The following C10orf53 variants were observed in gnomAD, a reference collection of about 807,000 sequenced individuals.
C10orf53 encodes the protein UPF0728 protein C10orf53.
A neutral mutation model predicts 9.4 loss-of-function variants in C10orf53; 8 were observed. The observed-to-expected ratio is 0.85, with a 90% confidence interval of 0.50 to 1.53. The LOEUF is 1.53. Ranked by LOEUF, C10orf53 falls within the 40% of genes most tolerant of loss-of-function variation. C10orf53 has a pLI of 0.00. For missense variants in C10orf53, 117 were observed against 117.8 expected, an observed-to-expected ratio of 0.99 and a Z score of 0.03; for synonymous variants, 48 against 46.0, an observed-to-expected ratio of 1.04 and a Z score of -0.18.
intron 2 of C10orf53, chr10:49,708,334 T>G (rs749204515): frequency 6.2e-7 from 1 of 1,609,358 alleles, no homozygotes; most frequent in Admixed American, 1.7e-5. Flanking sequence ...TTGATGCTGC[T>G]TTCTTCTCTG....
At chr10:49,705,078 G>A (rs1840713631) in intron 2 of C10orf53, among the ~76,000 whole-genome samples, 1 of 152,200 alleles carries the variant, frequency 6.6e-6, no homozygotes, top group African/African-American at 2.4e-5. Context: ...GGAGTCCTAT[G>A]TGTCCAGTCA....
exon 3 of C10orf53, chr10:49,708,522 A>G (rs374595679): frequency 5.4e-5 from 87 of 1,614,074 alleles, no homozygotes; most frequent in Non-Finnish European, 7.1e-5. Context: ...TGGATCATGT[A>G]TCCATTTCCA....
downstream of C10orf53, among the ~76,000 whole-genome samples, chr10:49,697,966 A>G (rs1840650340): frequency 6.6e-6 from 1 of 152,168 alleles, no homozygotes; most frequent in Non-Finnish European, 1.5e-5. Context: ...CTTATTGGCT[A>G]TATCTGCTCC....
At chr10:49,694,373 A>G in intron 2 of C10orf53, 165 bp from the exon 3 acceptor site, 1 of 979,062 alleles carries the variant, frequency 1.0e-6, no homozygotes, top group Non-Finnish European at 1.5e-6. Flanking sequence ...CTGTGCTCAG[A>G]AGTTAAAGCT....
chr10:49,698,478 T>C (rs985531172), downstream of C10orf53, among the ~76,000 whole-genome samples: 5 of 152,154 alleles, frequency 3.3e-5, no homozygotes, highest in African/African-American at 9.7e-5. Flanking sequence ...GATTTGTTAC[T>C]CTGGTCCCCT....
chr10:49,679,756 C>T lies in C10orf53; in HGVS notation c.59C>T (p.Pro20Leu). The T allele has an allele frequency of 1.3e-6, 2 of 1,546,200 alleles. No homozygotes were observed. Among genetic ancestry groups the T allele is most frequent in the Non-Finnish European group, 8.7e-7 (1 of 1,145,634 alleles). The change falls in exon 1 of 3, where the codon CCG (proline) becomes CTG (leucine). Residue 20 changes from proline to leucine, a missense_variant. Transcript: ENST00000374111. ...GGGCCCTACAGCGCGGCAGGCCTAC[C>T]GGTGGAGCACCACACCTTCCGCCTG... ...RYGPYSAAGL[P>L]VEHHTFRLQG... is the part of the protein sequence containing the mutation.
At chr10:49,707,787 G>C (rs1564510044) in intron 2 of C10orf53, among the ~76,000 whole-genome samples, 1 of 151,836 alleles carries the variant, frequency 6.6e-6, no homozygotes, top group Non-Finnish European at 1.5e-5. Flanking sequence ...TGCTTCTTGG[G>C]AACTGTCTTC....
intron 2 of C10orf53, among the ~76,000 whole-genome samples, chr10:49,705,714 T>C (rs1372875906): frequency 1.3e-5 from 2 of 152,106 alleles, no homozygotes; most frequent in Non-Finnish European, 2.9e-5. Context: ...TGACCTTGTA[T>C]TTGGCAAATG....
At chr10:49,706,519 C>T (rs1840723443) in intron 2 of C10orf53, among the ~76,000 whole-genome samples, 1 of 152,080 alleles carries the variant, frequency 6.6e-6, no homozygotes, top group Non-Finnish European at 1.5e-5. Flanking sequence ...TCCAAATAGG[C>T]AAACATTTGG....
chr10:49,679,864 G>A, intron 1 of C10orf53, 70 bp downstream of exon 1: 4 of 1,371,732 alleles, frequency 2.9e-6, no homozygotes, highest in Non-Finnish European at 3.9e-6. Context: ...GGTGCCCTGT[G>A]CCTAGGCCTT....
intron 1 of C10orf53, among the ~76,000 whole-genome samples, chr10:49,687,083 T>C (rs767281536): frequency 6.6e-6 from 1 of 152,234 alleles, no homozygotes; most frequent in African/African-American, 2.4e-5. Flanking sequence ...CTGTAGACCT[T>C]TGACTGTTTT....
chr10:49,701,327 T>C (rs978621804), downstream of C10orf53, among the ~76,000 whole-genome samples: 4 of 152,194 alleles, frequency 2.6e-5, no homozygotes, highest in East Asian at 7.7e-4. Context: ...CTGTCACTGA[T>C]GTGAGTGTGT....
chr10:49,679,806 C>T lies in C10orf53; in HGVS notation c.97+12C>T, dbSNP rs1274444416. ...GCAGGGCCTGCAAGGTGGGCCTCCTCGCCGCGTGCGCCCCTGAGGGCCCCA... is the reference window on the plus strand; with the variant it reads ...GCAGGGCCTGCAAGGTGGGCCTCCTTGCCGCGTGCGCCCCTGAGGGCCCCA... On this transcript the variant is annotated intron_variant, in intron 1 of 2. Transcript: ENST00000374111. 7.9e-6 allele frequency: 12 copies of T among 1,526,906 alleles called. No homozygotes were observed. Among genetic ancestry groups the T allele is most frequent in the African/African-American group, 1.4e-5 (1 of 71,596 alleles). 94.6% of individuals were successfully genotyped at this position (1,526,906 alleles called of 1,614,324 possible). A position where few individuals can be genotyped will look rare whatever the true frequency, so the allele number is the denominator to read the frequency against.
At chr10:49,693,664 C>A in intron 1 of C10orf53, 110 bp from the exon 2 acceptor site, 1 of 1,347,118 alleles carries the variant, frequency 7.4e-7, no homozygotes, top group Non-Finnish European at 1.0e-6. Flanking sequence ...GAGTGATACC[C>A]ATGAGCAACT....
intron 1 of C10orf53, among the ~76,000 whole-genome samples, chr10:49,691,765 G>A (rs528483236): frequency 3.9e-5 from 6 of 152,146 alleles, no homozygotes; most frequent in Non-Finnish European, 7.3e-5. Flanking sequence ...GGAGGGCCAG[G>A]GGCAGGCTAC....
intron 1 of C10orf53, among the ~76,000 whole-genome samples, chr10:49,685,394 C>T (rs1783932278): frequency 6.6e-6 from 1 of 152,184 alleles, no homozygotes; most frequent in Admixed American, 6.5e-5. Flanking sequence ...GTAGACTAGG[C>T]TAAGCTATGA....
At chr10:49,679,817 C>T (rs759380407) in intron 1 of C10orf53, 23 bp downstream of exon 1, 23 of 1,518,318 alleles carry the variant, frequency 1.5e-5, no homozygotes, top group Middle Eastern at 2.3e-4. Context: ...GCCGCGTGCG[C>T]CCCTGAGGGC....
In C10orf53 at chr10:49,679,665, C is replaced by T. The variant is rs1840458788; in HGVS notation, c.-33C>T. ...AGAGGTTGCTTAGCAGCGTGTGTTT[C>T]TCCCTTGCCTCTGCGGCGGCGGAGG... On this transcript the variant is annotated 5_prime_UTR_variant, in exon 1 of 3. Transcript: ENST00000374111. 1.2e-5 allele frequency: 18 copies of T among 1,542,012 alleles called. No individual in the cohort carries two copies. Among genetic ancestry groups the T allele is most frequent in the Non-Finnish European group, 1.5e-5 (17 of 1,142,942 alleles).
intron 1 of C10orf53, among the ~76,000 whole-genome samples, chr10:49,687,659 G>A (rs979488030): frequency 6.6e-5 from 10 of 152,214 alleles, no homozygotes; most frequent in African/African-American, 1.4e-4. Context: ...AACTCCATGC[G>A]TACACACAGT....
Sources: gnomAD v4.1 joint callset for allele counts (sites outside exome capture counted in the v4.1 genomes callset) on GRCh38, gnomAD v4.1.1 for gene constraint, MANE v1.5 for transcripts, NCBI Gene and HGNC (gene_info 2026-07-23, HGNC 2026-07-21) for gene names.